FNDC3A: variants seen among roughly 807,000 people sequenced by gnomAD.
FNDC3A encodes fibronectin type-III domain-containing protein 3A.
Under a neutral mutation model 148.9 loss-of-function variants are expected in FNDC3A, and 32 were observed. The observed-to-expected ratio is 0.21, with a 90% CI of 0.16 to 0.29. The LOEUF is 0.29. Among genes scored for constraint, FNDC3A ranks in the 10% least tolerant of loss-of-function variants. FNDC3A has a pLI of 1.00. For missense variants in FNDC3A, 1,191 were observed against 1,452.8 expected (o/e 0.82, Z 2.93); for synonymous variants, 472 against 473.6 (o/e 1.00, Z 0.04).
intron 3 of FNDC3A, among the ~76,000 whole-genome samples, chr13:49,108,253 T>C (rs570285591): frequency 6.6e-6 from 1 of 152,288 alleles, no homozygotes; most frequent in South Asian, 2.1e-4. Flanking sequence ...GAGAACAAAA[T>C]TGATCACAGC....
intron 3 of FNDC3A, among the ~76,000 whole-genome samples, chr13:49,113,595 C>G (rs886958611): frequency 6.6e-6 from 1 of 152,088 alleles, no homozygotes; most frequent in African/African-American, 2.4e-5. Flanking sequence ...TAGCTGAGAG[C>G]CATTATATAA....
chr13:49,079,538 A>G (rs1878337819), intron 3 of FNDC3A, among the ~76,000 whole-genome samples: 1 of 152,200 alleles, frequency 6.6e-6, no homozygotes, highest in Admixed American at 6.5e-5. Context: ...ACAGAGGGAA[A>G]GTGTTCAAAA....
intron 8 of FNDC3A, 73 bp from the exon 9 acceptor site, chr13:49,167,171 A>G (rs2092062780): frequency 4.8e-6 from 4 of 830,674 alleles, no homozygotes; most frequent in Admixed American, 4.4e-5. Flanking sequence ...ACTCTAAACT[A>G]TAGTGTATAT....
At chr13:49,082,247 G>A (rs1253861776) in intron 3 of FNDC3A, among the ~76,000 whole-genome samples, 3 of 151,944 alleles carry the variant, frequency 2.0e-5, no homozygotes, top group South Asian at 4.2e-4. Flanking sequence ...TTAGCTGGAT[G>A]TGGTGGCGCA....
At chr13:49,043,271 CAT>C (rs1297926229) in intron 2 of FNDC3A, among the ~76,000 whole-genome samples, 1 of 152,112 alleles carries the variant, frequency 6.6e-6, no homozygotes, top group Non-Finnish European at 1.5e-5. Context: ...ATCCTGCAAA[CAT>C]ATTTTTAAGC....
intron 2 of FNDC3A, among the ~76,000 whole-genome samples, chr13:49,072,614 G>A (rs940570008): frequency 1.4e-4 from 21 of 151,960 alleles, no homozygotes; most frequent in African/African-American, 4.6e-4. Flanking sequence ...CATATTGATT[G>A]TTCATGTGTA....
intron 2 of FNDC3A, among the ~76,000 whole-genome samples, chr13:49,036,988 A>G (rs1251214294): frequency 2.6e-5 from 4 of 152,210 alleles, no homozygotes; most frequent in Non-Finnish European, 4.4e-5. Flanking sequence ...GAACAGATGG[A>G]TATCTGGAAA....
At chr13:49,009,750 T>C (rs529194438) in intron 2 of FNDC3A, among the ~76,000 whole-genome samples, 1 of 152,332 alleles carries the variant, frequency 6.6e-6, no homozygotes, top group Admixed American at 6.5e-5. Flanking sequence ...TCAGATGTTT[T>C]AGTTTCTTGT....
intron 8 of FNDC3A, among the ~76,000 whole-genome samples, chr13:49,163,504 G>T (rs1459375877): frequency 6.6e-6 from 1 of 152,184 alleles, no homozygotes; most frequent in African/African-American, 2.4e-5. Context: ...CAGTATTAGG[G>T]TGGGAGTGTC....
chr13:49,022,926 C>G (rs559700554), intron 2 of FNDC3A, among the ~76,000 whole-genome samples: 1 of 152,190 alleles, frequency 6.6e-6, no homozygotes, highest in South Asian at 2.1e-4. Flanking sequence ...GCTCAAGGTT[C>G]AGATCTGAAA....
intron 8 of FNDC3A, among the ~76,000 whole-genome samples, chr13:49,153,503 G>A (rs1441242663): frequency 1.3e-5 from 2 of 152,186 alleles, no homozygotes; most frequent in Non-Finnish European, 1.5e-5. Flanking sequence ...CTTTTGCTGT[G>A]CAGAAGGTCT....
At chr13:49,047,486 A>G (rs1332048908) in intron 2 of FNDC3A, among the ~76,000 whole-genome samples, 1 of 152,114 alleles carries the variant, frequency 6.6e-6, no homozygotes, top group Non-Finnish European at 1.5e-5. Context: ...TGTTATGGCC[A>G]TTCTTGCTGG....
intron 3 of FNDC3A, among the ~76,000 whole-genome samples, chr13:49,079,697 G>A (rs1015892492): frequency 6.6e-6 from 1 of 152,108 alleles, no homozygotes; most frequent in African/African-American, 2.4e-5. Context: ...ATAATAACAT[G>A]TAATCTTTCA....
intron 20 of FNDC3A, among the ~76,000 whole-genome samples, chr13:49,197,382 A>G (rs569095941): frequency 8.6e-5 from 13 of 151,078 alleles, no homozygotes; most frequent in Admixed American, 5.6e-4. Flanking sequence ...TAATTATTAT[A>G]TTTTCAGTTC....
intron 1 of FNDC3A, among the ~76,000 whole-genome samples, chr13:48,994,384 A>G (rs1430105269): frequency 1.3e-5 from 2 of 152,252 alleles, no homozygotes; most frequent in Non-Finnish European, 2.9e-5. Flanking sequence ...AACACTGACT[A>G]CATATTTGAT....
intron 8 of FNDC3A, among the ~76,000 whole-genome samples, chr13:49,151,580 T>TTTA (rs1256413450): frequency 2.0e-5 from 3 of 152,152 alleles, no homozygotes; most frequent in African/African-American, 4.8e-5. Flanking sequence ...TTTTGTTTTT[T>TTTA]TTATTATTAT....
intron 2 of FNDC3A, among the ~76,000 whole-genome samples, chr13:49,053,066 T>A (rs1875963571): frequency 6.6e-6 from 1 of 152,172 alleles, no homozygotes; most frequent in African/African-American, 2.4e-5. Flanking sequence ...CCAGTCTCAT[T>A]CCAACTGTAA....
At chr13:49,024,983 T>C (rs914359231) in intron 2 of FNDC3A, among the ~76,000 whole-genome samples, 2 of 152,080 alleles carry the variant, frequency 1.3e-5, no homozygotes, top group Non-Finnish European at 2.9e-5. Context: ...ACTACTGTTA[T>C]TTTCTTCAGT....
intron 2 of FNDC3A, among the ~76,000 whole-genome samples, chr13:49,042,728 G>A (rs553649993): frequency 6.6e-6 from 1 of 152,046 alleles, no homozygotes; most frequent in East Asian, 1.9e-4. Context: ...AGTGAGCTGC[G>A]ATTGTGCCAC....
Sources: allele counts gnomAD v4.1 joint callset (sites outside exome capture counted in the v4.1 genomes callset), GRCh38; gene constraint gnomAD v4.1.1; transcripts MANE v1.5; gene names NCBI Gene and HGNC (gene_info 2026-07-23, HGNC 2026-07-21).